Variants in DLG2 observed in about 807,000 individuals in gnomAD.
DLG2 encodes disks large homolog 2.
A neutral mutation model predicts 132.5 loss-of-function variants in DLG2; 45 were observed. The ratio of observed to expected loss-of-function variants is 0.34; its 90% CI spans 0.27 to 0.44. The LOEUF (loss-of-function observed/expected upper bound fraction) is 0.44, where lower values mean the gene tolerates loss of function less well. Among genes scored for constraint, DLG2 ranks in the 20% least tolerant of loss-of-function variants. The pLI, the probability that DLG2 is intolerant of heterozygous loss-of-function variation, is 1.00. For missense variants in DLG2, 1,045 were observed against 1,196.9 expected (o/e 0.87, Z 1.87); for synonymous variants, 424 against 419.6 (o/e 1.01, Z -0.13).
chr11:85,150,534 C>T (rs1218955038), intron 5 of DLG2, among the ~76,000 whole-genome samples: 5 of 152,048 alleles, frequency 3.3e-5, no homozygotes, highest in Non-Finnish European at 5.9e-5. Context: ...AGGCAACTAC[C>T]TCTCTACTTT....
chr11:85,468,788 G>T (rs2092890127), intron 3 of DLG2, among the ~76,000 whole-genome samples: 1 of 152,164 alleles, frequency 6.6e-6, no homozygotes, highest in Non-Finnish European at 1.5e-5. Context: ...TGTATATTCT[G>T]TTGATTTGGG....
intron 21 of DLG2, among the ~76,000 whole-genome samples, chr11:83,526,590 A>C (rs1181659282): frequency 6.6e-6 from 1 of 152,160 alleles, no homozygotes; most frequent in African/African-American, 2.4e-5. Context: ...GCCCAGAGAA[A>C]ATCAACCTGG....
At chr11:84,484,004 A>G (rs1184628723) in intron 7 of DLG2, among the ~76,000 whole-genome samples, 1 of 152,128 alleles carries the variant, frequency 6.6e-6, no homozygotes, top group Admixed American at 6.5e-5. Context: ...TCTGGCAATT[A>G]CATTCTTTAT....
At chr11:84,112,255 C>T (rs2093392126) in intron 9 of DLG2, among the ~76,000 whole-genome samples, 1 of 151,860 alleles carries the variant, frequency 6.6e-6, no homozygotes. Context: ...GCCTCGGCCT[C>T]CCCAAGTACT....
chr11:85,454,710 C>T (rs113965842), intron 3 of DLG2, among the ~76,000 whole-genome samples: 4,548 of 152,052 alleles, frequency 0.03, 88 homozygotes, highest in Middle Eastern at 0.065. Context: ...ATTTTATATA[C>T]GGTGTAAGAA....
chr11:84,103,026 G>C (rs2092653239), intron 9 of DLG2, among the ~76,000 whole-genome samples: 1 of 152,052 alleles, frequency 6.6e-6, no homozygotes, highest in Admixed American at 6.6e-5. Context: ...AATGTAACTT[G>C]CCCTGTGTTT....
At chr11:84,247,601 G>A (rs1410891957) in intron 8 of DLG2, among the ~76,000 whole-genome samples, 4 of 152,176 alleles carry the variant, frequency 2.6e-5, no homozygotes, top group Non-Finnish European at 5.9e-5. Context: ...CCTCATATAA[G>A]ACAGAGCTTA....
chr11:83,815,811 G>C (rs978754918), intron 17 of DLG2, among the ~76,000 whole-genome samples: 1 of 152,198 alleles, frequency 6.6e-6, no homozygotes, highest in Non-Finnish European at 1.5e-5. Context: ...TCTGATGTCT[G>C]CTCAGATTAA....
intron 3 of DLG2, among the ~76,000 whole-genome samples, chr11:85,397,641 A>T (rs531543664): frequency 4.1e-4 from 63 of 152,336 alleles, no homozygotes; most frequent in African/African-American, 1.5e-3. Context: ...AGTCTCTGAT[A>T]AAACAGACTT....
chr11:83,929,692 A>C (rs1333176014), intron 15 of DLG2, among the ~76,000 whole-genome samples: 3 of 152,160 alleles, frequency 2.0e-5, no homozygotes, highest in African/African-American at 7.2e-5. Context: ...CTGAACTTCT[A>C]TTTCTTAAAA....
chr11:84,316,853 CA>C (rs1298581258), intron 7 of DLG2: 1 of 1,612,480 alleles, frequency 6.2e-7, no homozygotes, highest in South Asian at 1.1e-5. Context: ...ACCATGTGGG[CA>C]GGTACAATGC....
intron 3 of DLG2, among the ~76,000 whole-genome samples, chr11:85,402,698 T>C (rs917139388): frequency 2.0e-5 from 3 of 152,264 alleles, no homozygotes; most frequent in African/African-American, 7.2e-5. Context: ...AACAGACACT[T>C]CTCAAAAGAA....
chr11:83,727,255 G>A (rs7342211), intron 18 of DLG2, among the ~76,000 whole-genome samples: 31,566 of 152,084 alleles, frequency 0.21, 3,510 homozygotes, highest in South Asian at 0.24. Context: ...GGGTGATGCC[G>A]ATAAGTAAGT....
intron 14 of DLG2, among the ~76,000 whole-genome samples, chr11:83,953,816 G>A (rs1471398936): frequency 1.3e-5 from 2 of 152,138 alleles, no homozygotes; most frequent in African/African-American, 2.4e-5. Flanking sequence ...TTCACATTGT[G>A]TTCATGATAG....
In DLG2 at chr11:84,213,602, G is replaced by A. The variant is rs1195238447; in HGVS notation, c.573+37636C>T. ...TGGGAGGCCGAGGCGGGTGGATCAC[G>A]AGGTCAGGAGATCAAGACCATCCTG... On this transcript the variant is annotated intron_variant, in intron 8 of 27. Coordinates refer to ENST00000376104, the MANE Select transcript of DLG2 (RefSeq NM_001142699.3). Among the ~76,000 whole-genome samples the A allele has an allele frequency of 3.3e-5, 5 of 151,998 alleles. No individual in the cohort carries two copies. In the East Asian group the frequency reaches 7.8e-4, roughly 24 times the overall value.
chr11:84,505,413 G>C (rs972669818), intron 7 of DLG2, among the ~76,000 whole-genome samples: 4 of 152,112 alleles, frequency 2.6e-5, no homozygotes, highest in Admixed American at 2.0e-4. Context: ...TAGGCAATCT[G>C]AGACTTAACA....
chr11:84,503,262 T>C (rs73525727), intron 7 of DLG2, among the ~76,000 whole-genome samples: 8,655 of 152,210 alleles, frequency 0.057, 827 homozygotes, highest in African/African-American at 0.2. Flanking sequence ...TACCCAATAC[T>C]ATTTCATAGG....
intron 3 of DLG2, among the ~76,000 whole-genome samples, chr11:85,367,174 T>A (rs972443804): frequency 6.6e-6 from 1 of 152,166 alleles, no homozygotes; most frequent in African/African-American, 2.4e-5. Flanking sequence ...TAATTTAGTT[T>A]AATAACATAG....
intron 18 of DLG2, among the ~76,000 whole-genome samples, chr11:83,746,190 C>G (rs1284840976): frequency 5.9e-5 from 9 of 152,136 alleles, no homozygotes; most frequent in Non-Finnish European, 5.9e-5. Flanking sequence ...GGATCTAGAA[C>G]TAGAAATACC....
Sources: allele counts gnomAD v4.1 joint callset (sites outside exome capture counted in the v4.1 genomes callset), GRCh38; gene constraint gnomAD v4.1.1; transcripts MANE v1.5; gene names NCBI Gene and HGNC (gene_info 2026-07-23, HGNC 2026-07-21).